Variants in NHSL2 observed in about 807,000 individuals in gnomAD.
NHSL2 encodes NHS like 2.
Under a neutral mutation model 53.4 loss-of-function variants are expected in NHSL2, and 27 were observed. That is an observed-to-expected ratio of 0.51 (90% CI 0.37 to 0.70). The LOEUF (loss-of-function observed/expected upper bound fraction) is 0.70, where lower values mean the gene tolerates loss of function less well. Ranked by LOEUF, NHSL2 falls within the 30% of genes least tolerant of loss-of-function variation. The pLI is 0.00. For missense variants in NHSL2, 892 were observed against 980.1 expected (o/e 0.91, Z 1.20); for synonymous variants, 408 against 404.1 (o/e 1.01, Z -0.12).
intron 1 of NHSL2, among the ~76,000 whole-genome samples, chrX:72,042,861 C>T (rs1436877283): frequency 1.8e-5 from 2 of 110,151 alleles, no homozygotes; most frequent in Admixed American, 1.9e-4. Context: ...ATTGTAGGTG[C>T]TTTGTTGAAT....
intron 1 of NHSL2, among the ~76,000 whole-genome samples, chrX:72,124,368 C>T (rs769265961): frequency 1.8e-5 from 2 of 111,550 alleles, no homozygotes; most frequent in South Asian, 7.6e-4. Flanking sequence ...TCACATCAGA[C>T]CATGGTACCT....
intron 1 of NHSL2, among the ~76,000 whole-genome samples, chrX:71,969,221 C>T (rs1282226671): frequency 3.7e-5 from 4 of 108,914 alleles, no homozygotes; most frequent in South Asian, 3.9e-4. Flanking sequence ...TTCTAGTTTT[C>T]GAAGTAAGAA....
Position 72,140,704 on chromosome X carries a change from G to A in NHSL2, c.3156G>A (p.Leu1052=). 1 of 1,207,984 alleles carries A rather than the reference G, an allele frequency of 8.3e-7. No individual in the cohort carries two copies. The highest frequency in any genetic ancestry group is 1.1e-6 in the Non-Finnish European group (1 of 892,897). Residue 1052 remains leucine (L), a synonymous_variant, in exon 6 of 8, where the codon CTG becomes CTA. Transcript: ENST00000633930. Reference sequence around the variant, plus strand: ...AGTGTCCCGCCACCGGCGATGACCTGCAATCACTTGGTCAAAGGGTGACTT... The same window carrying A: ...AGTGTCCCGCCACCGGCGATGACCTACAATCACTTGGTCAAAGGGTGACTT... ...DTKCPATGDD[L]QSLGQRVTST...
At chrX:72,034,235 G>A (rs2042230115) in intron 1 of NHSL2, among the ~76,000 whole-genome samples, 1 of 111,884 alleles carries the variant, frequency 8.9e-6, no homozygotes, top group South Asian at 3.7e-4. Context: ...CAAATATTGG[G>A]TAAGCCTTGC....
intron 1 of NHSL2, among the ~76,000 whole-genome samples, chrX:72,126,750 C>T (rs1473326839): frequency 1.8e-5 from 2 of 111,859 alleles, no homozygotes; most frequent in Non-Finnish European, 3.8e-5. Context: ...TATCCCATAG[C>T]GCCACCTAGT....
At chrX:71,969,143 T>C (rs1000405962) in intron 1 of NHSL2, among the ~76,000 whole-genome samples, 1 of 111,092 alleles carries the variant, frequency 9.0e-6, no homozygotes, top group African/African-American at 3.3e-5. Context: ...AATATTAAAT[T>C]TTCTGATATA....
At position 72,144,341 on chromosome X, in the gene NHSL2, T is replaced by C; in HGVS notation, c.*767T>C. 4.2e-6 allele frequency: 1 copy of C among 237,057 alleles called. No homozygotes were observed. The allele number at this position is 237,057 out of a possible 1,213,427, so 19.5% of individuals were successfully genotyped here. A position where few individuals can be genotyped will look rare whatever the true frequency, so the allele number is the denominator to read the frequency against. The stretch of plus-strand genomic sequence containing the variant: ...CTTGACCAACAAACAAGACAGCCAT[T>C]TGTTCACTCAGATCTAGCCGAGGTA... On this transcript the variant is annotated 3_prime_UTR_variant, in exon 8 of 8. Transcript: ENST00000633930.
intron 1 of NHSL2, among the ~76,000 whole-genome samples, chrX:72,124,299 A>C (rs2042205003): frequency 9.0e-6 from 1 of 111,145 alleles, no homozygotes; most frequent in African/African-American, 3.3e-5. Context: ...ACCTTGTGGC[A>C]CATCTCTCTC....
chrX:71,911,955 C>T (rs1260615687), intron 1 of NHSL2, among the ~76,000 whole-genome samples: 1 of 111,735 alleles, frequency 8.9e-6, no homozygotes, highest in Non-Finnish European at 1.9e-5. Context: ...TGCTTCTCTC[C>T]GCACGTTTTG....
At chrX:72,031,736 G>GAA (rs767564712) in intron 1 of NHSL2, among the ~76,000 whole-genome samples, 29 of 53,117 alleles carry the variant, frequency 5.5e-4, no homozygotes, top group Admixed American at 6.8e-4. Flanking sequence ...ACCTCGCTTG[G>GAA]AAAAAAAAAA....
Position 72,147,949 on chromosome X carries a change from A to G in NHSL2, c.*4375A>G, listed in dbSNP as rs1232591090. 8.9e-6 allele frequency: 1 copy of G among 112,233 alleles called. No individual in the cohort carries two copies. The highest frequency in any genetic ancestry group is 9.4e-5 in the Admixed American group (1 of 10,604). 9.2% of individuals were successfully genotyped at this position (112,233 alleles called of 1,213,427 possible). On this transcript the variant is annotated 3_prime_UTR_variant, in exon 8 of 8. Transcript: ENST00000633930. ...AACTAGTTGTAGAAGTGTATTTTTCACCATGGAAAGGCCAAATTCCCTGAC... is the reference window on the plus strand; with the variant it reads ...AACTAGTTGTAGAAGTGTATTTTTCGCCATGGAAAGGCCAAATTCCCTGAC...
chrX:72,069,510 G>A, intron 1 of NHSL2: 1 of 309,520 alleles, frequency 3.2e-6, no homozygotes, highest in South Asian at 2.0e-4. Flanking sequence ...TTCTGTGCCA[G>A]GGGCACAAGT....
Position 72,121,110 on chromosome X carries a change from C to G in NHSL2, c.281-10969C>G, listed in dbSNP as rs188515135. On this transcript the variant is annotated intron_variant, in intron 1 of 7. Coordinates refer to ENST00000633930, the MANE Select transcript of NHSL2 (RefSeq NM_001013627.3). ...AGCAGAGGCCTACTGCTGTTTGGGC[C>G]ATATGTCTCCTTGGTCACGGCACCC... Among the ~76,000 whole-genome samples the G allele has an allele frequency of 6.2e-5, 7 of 112,405 alleles. 1 individual carries two copies. Among genetic ancestry groups the G allele is most frequent in the African/African-American group, 1.9e-4 (6 of 30,950 alleles).
At position 72,015,877 on chromosome X, in the gene NHSL2, A is replaced by T. The variant is rs973451610; in HGVS notation, c.280+104510A>T. On this transcript the variant is annotated intron_variant, in intron 1 of 7. Transcript: ENST00000633930. ...TTACAGAAATTCTCTATATATTTTT[A>T]TTGTTCTTTGTCTAATACATACATT... Among the ~76,000 whole-genome samples the T allele has an allele frequency of 5.2e-4, 58 of 111,713 alleles. 3 individuals carry two copies. The highest frequency in any genetic ancestry group is 3.1e-3 in the East Asian group (11 of 3,598).
intron 1 of NHSL2, among the ~76,000 whole-genome samples, chrX:71,992,744 C>G (rs909258229): frequency 1.8e-5 from 2 of 112,290 alleles, no homozygotes; most frequent in Non-Finnish European, 3.8e-5. Context: ...TTGCGGCTGC[C>G]AGGGGAAGTG....
At position 72,111,000 on chromosome X, in the gene NHSL2, T is replaced by C. The variant is rs757484463; in HGVS notation, c.281-21079T>C. Among the ~76,000 whole-genome samples the C allele has an allele frequency of 1.4e-3, 160 of 112,493 alleles. 1 individual carries two copies. The highest frequency in any genetic ancestry group is 4.9e-3 in the African/African-American group (152 of 30,985). On this transcript the variant is annotated intron_variant, in intron 1 of 7. Coordinates refer to ENST00000633930, the MANE Select transcript of NHSL2 (RefSeq NM_001013627.3). Reference sequence around the variant, plus strand: ...TTGAATTATTTTAAGAAAAAAAAATTGCTCCTTCATTAAATCGCGTTGTTA... The same window carrying C: ...TTGAATTATTTTAAGAAAAAAAAATCGCTCCTTCATTAAATCGCGTTGTTA...
chrX:72,028,745 TG>T (rs1288567605), intron 1 of NHSL2, among the ~76,000 whole-genome samples: 1 of 112,143 alleles, frequency 8.9e-6, no homozygotes, highest in Non-Finnish European at 1.9e-5. Flanking sequence ...CCTCAGCCAC[TG>T]GGAAGGATTT....
chrX:72,133,104 C>T (rs752107381), intron 2 of NHSL2, among the ~76,000 whole-genome samples: 1 of 112,398 alleles, frequency 8.9e-6, no homozygotes, highest in Non-Finnish European at 1.9e-5. Context: ...GTGTTGCTAC[C>T]ATGGCAGAAT....
At chrX:71,968,036 G>A (rs1317693547) in intron 1 of NHSL2, among the ~76,000 whole-genome samples, 3 of 105,629 alleles carry the variant, frequency 2.8e-5, no homozygotes, top group Admixed American at 1.0e-4. Context: ...CTGCCCCATT[G>A]TCCAGGCTGG....
Sources: allele counts gnomAD v4.1 joint callset (sites outside exome capture counted in the v4.1 genomes callset), GRCh38; gene constraint gnomAD v4.1.1; transcripts MANE v1.5; gene names NCBI Gene and HGNC (gene_info 2026-07-23, HGNC 2026-07-21).